The following GAPVD1 variants were observed in gnomAD, a reference collection of about 807,000 sequenced individuals.
GAPVD1 encodes the protein GTPase activating protein and VPS9 domains 1, also known as GTPase-activating protein and VPS9 domain-containing protein 1.
GAPVD1 carries 35 observed loss-of-function variants against 155.5 expected under a neutral mutation model. The ratio of observed to expected loss-of-function variants is 0.23; its 90% CI spans 0.17 to 0.30. The LOEUF (loss-of-function observed/expected upper bound fraction) is 0.30. GAPVD1 is among the 10% of genes least tolerant of loss of function. The pLI, the probability that GAPVD1 is intolerant of heterozygous loss-of-function variation, is 1.00. For synonymous variants in GAPVD1, 636 were observed against 619.7 expected (o/e 1.03, Z -0.39); for missense variants, 1,429 against 1,775.7 (o/e 0.80, Z 3.51).
intron 12 of GAPVD1, 98 bp downstream of exon 12, chr9:125,326,687 G>A (rs901441189): frequency 1.1e-5 from 9 of 816,178 alleles, no homozygotes; most frequent in Admixed American, 3.8e-5. Context: ...CAAACATTGT[G>A]TGTGTTAGCA....
intron 10 of GAPVD1, among the ~76,000 whole-genome samples, chr9:125,323,250 G>C (rs1358628673): frequency 1.3e-5 from 2 of 151,550 alleles, no homozygotes; most frequent in Non-Finnish European, 2.9e-5. Flanking sequence ...GAGATTACAG[G>C]CATGTGCCAT....
At chr9:125,336,372 C>T (rs1425167457) in intron 15 of GAPVD1, among the ~76,000 whole-genome samples, 2 of 151,196 alleles carry the variant, frequency 1.3e-5, no homozygotes, top group South Asian at 2.1e-4. Flanking sequence ...TTTGAAATTT[C>T]CATCCTCTGC....
Position 125,347,721 on chromosome 9 carries a change from A to G in GAPVD1, c.3169+780A>G, listed in dbSNP as rs369166194. 2.1e-4 allele frequency among the ~76,000 whole-genome samples: 6 copies of G among 28,176 alleles called. No individual in the cohort carries two copies. The African/African-American group carries it at 4.4e-3, about 21-fold the overall frequency. 18.5% of individuals were successfully genotyped at this position (28,176 alleles called of 152,430 possible). On this transcript the variant is annotated intron_variant, in intron 20 of 27. Coordinates refer to ENST00000297933, the MANE Select transcript of GAPVD1 (RefSeq NM_001282680.3). ...GGGCAAAAGAGCAAGACCCTGTCTC[A>G]AAAAAAAAAAAACAAACATAAATAG...
At chr9:125,314,181 G>T (rs1843050290) in intron 9 of GAPVD1, among the ~76,000 whole-genome samples, 1 of 152,160 alleles carries the variant, frequency 6.6e-6, no homozygotes, top group Non-Finnish European at 1.5e-5. Flanking sequence ...TAGTATTCCT[G>T]CATTATAGAG....
intron 2 of GAPVD1, among the ~76,000 whole-genome samples, chr9:125,291,809 G>T (rs750646456): frequency 4.6e-5 from 7 of 152,124 alleles, no homozygotes; most frequent in Non-Finnish European, 8.8e-5. Context: ...AGTTAAGGCA[G>T]GAAGGTAAAG....
intron 4 of GAPVD1, among the ~76,000 whole-genome samples, chr9:125,301,161 C>T (rs1350568877): frequency 6.6e-6 from 1 of 151,976 alleles, no homozygotes; most frequent in Non-Finnish European, 1.5e-5. Context: ...TCTCAAGCTC[C>T]TGAGCTCAAG....
intron 23 of GAPVD1, among the ~76,000 whole-genome samples, 181 bp downstream of exon 23, chr9:125,351,053 C>T (rs1849226324): frequency 1.3e-5 from 2 of 152,122 alleles, no homozygotes; most frequent in South Asian, 4.1e-4. Flanking sequence ...CCGAGACTAG[C>T]CAATTTACCA....
At chr9:125,331,829 C>T (rs534671564) in intron 13 of GAPVD1, 97 bp from the exon 14 acceptor site, 7 of 1,063,404 alleles carry the variant, frequency 6.6e-6, no homozygotes, top group East Asian at 4.8e-5. Flanking sequence ...TGATTTTATT[C>T]ATGCCCTGGT....
intron 22 of GAPVD1, 48 bp from the exon 23 acceptor site, chr9:125,350,665 C>G: frequency 8.5e-7 from 1 of 1,171,566 alleles, no homozygotes. Flanking sequence ...CTTATTTAAG[C>G]ACATGGAAAT....
In GAPVD1 at chr9:125,330,165, T is replaced by C. The variant is rs987688387; in HGVS notation, c.2120T>C (p.Ile707Thr). The C allele has an allele frequency of 6.2e-7, 1 of 1,612,174 alleles. No homozygotes were observed. Among genetic ancestry groups the C allele is most frequent in the Non-Finnish European group, 8.5e-7 (1 of 1,178,540 alleles). ...CTTGACCCCTGCACTGGTTCTACCA[T>C]ATCAGAGACAACAAGTGAAGCTTGG... ...VLLDPCTGST[I>T]SETTSEAWSV... Residue 707 changes from isoleucine (I) to threonine (T), a missense_variant, in exon 13 of 28, where the codon ATA becomes ACA. Ile to Thr is a moderately conservative substitution (Grantham distance 89). This residue lies in a region of GAPVD1 where 699 missense variants were observed against 826.0 expected (regional missense o/e 0.85). Transcript: ENST00000297933.
chr9:125,271,702 C>CA (rs1588533289), intron 2 of GAPVD1, among the ~76,000 whole-genome samples: 1 of 152,022 alleles, frequency 6.6e-6, no homozygotes, highest in African/African-American at 2.4e-5. Flanking sequence ...AGGCACCCAC[C>CA]ACCACACCTG....
At chr9:125,357,868 G>A (rs1467529919) in intron 25 of GAPVD1, among the ~76,000 whole-genome samples, 3 of 151,402 alleles carry the variant, frequency 2.0e-5, no homozygotes, top group African/African-American at 7.3e-5. Flanking sequence ...CCAGCTACTT[G>A]GGAGACTGAA....
intron 2 of GAPVD1, among the ~76,000 whole-genome samples, chr9:125,281,506 G>C (rs1836778031): frequency 2.0e-5 from 3 of 152,118 alleles, no homozygotes; most frequent in Admixed American, 1.3e-4. Context: ...TGATGGTACA[G>C]AGACAGCATC....
At chr9:125,288,731 C>G (rs1187612785) in intron 2 of GAPVD1, among the ~76,000 whole-genome samples, 1 of 152,146 alleles carries the variant, frequency 6.6e-6, no homozygotes, top group Non-Finnish European at 1.5e-5. Context: ...GTGCCAGGCT[C>G]TCTTATGGTC....
intron 2 of GAPVD1, among the ~76,000 whole-genome samples, chr9:125,269,966 G>A (rs1217432125): frequency 2.0e-5 from 3 of 151,780 alleles, no homozygotes; most frequent in Non-Finnish European, 2.9e-5. Context: ...TGATCTGCCC[G>A]CCTTGGCCTC....
chr9:125,329,707 A>G (rs1303582668), intron 12 of GAPVD1, among the ~76,000 whole-genome samples: 1 of 150,536 alleles, frequency 6.6e-6, no homozygotes, highest in Non-Finnish European at 1.5e-5. Flanking sequence ...GGTCTCACTC[A>G]CATTGACCAG....
At chr9:125,281,495 A>G (rs1836776713) in intron 2 of GAPVD1, among the ~76,000 whole-genome samples, 1 of 152,140 alleles carries the variant, frequency 6.6e-6, no homozygotes, top group Non-Finnish European at 1.5e-5. Flanking sequence ...AAAAATTGAG[A>G]TGATGGTACA....
At chr9:125,303,631 C>T (rs1841303293) in intron 5 of GAPVD1, among the ~76,000 whole-genome samples, 1 of 151,930 alleles carries the variant, frequency 6.6e-6, no homozygotes, top group Admixed American at 6.6e-5. Context: ...ACAAAATTAG[C>T]CAGGTGTGGT....
intron 8 of GAPVD1, among the ~76,000 whole-genome samples, chr9:125,310,314 T>A (rs1842474596): frequency 6.6e-6 from 1 of 152,192 alleles, no homozygotes; most frequent in Non-Finnish European, 1.5e-5. Flanking sequence ...TTAATGAACA[T>A]TAATCAGCAT....
Sources: gnomAD v4.1 joint callset for allele counts (sites outside exome capture counted in the v4.1 genomes callset) on GRCh38, gnomAD v4.1.1 for gene constraint, gnomAD v4.1.1 regional missense constraint, MANE v1.5 for transcripts, NCBI Gene and HGNC (gene_info 2026-07-23, HGNC 2026-07-21) for gene names.